Variants in EDN2 observed in about 807,000 individuals in gnomAD.
EDN2 encodes endothelin 2, also known as endothelin-2.
In EDN2, 10 loss-of-function variants were observed where a neutral mutation model predicts 19.9. That is an observed-to-expected ratio of 0.50 (90% CI 0.31 to 0.85). The LOEUF (loss-of-function observed/expected upper bound fraction) is 0.85. EDN2 is among the 40% of genes least tolerant of loss of function. EDN2 has a pLI of 0.05. For synonymous variants in EDN2, 84 were observed against 94.9 expected (o/e 0.89, Z 0.67); for missense variants, 222 against 239.3 (o/e 0.93, Z 0.48).
intron 2 of EDN2, among the ~76,000 whole-genome samples, chr1:41,483,498 A>G (rs1055747793): frequency 2.0e-5 from 3 of 152,164 alleles, no homozygotes; most frequent in Admixed American, 6.5e-5. Flanking sequence ...CGGGGCTCCC[A>G]CCCGGGTGTA....
intron 4 of EDN2, 160 bp downstream of exon 4, chr1:41,480,935 G>A (rs143576788): frequency 3.2e-5 from 21 of 658,062 alleles, no homozygotes; most frequent in East Asian, 5.5e-5. Context: ...GCCAGATGCC[G>A]CTGACTGCTG....
At chr1:41,482,940 T>A (rs1644260606) in intron 2 of EDN2, 1 of 165,464 alleles carries the variant, frequency 6.0e-6, no homozygotes, top group Non-Finnish European at 1.3e-5. Context: ...CCTCCTAGTC[T>A]CTCTCCCCTC....
intron 2 of EDN2, chr1:41,483,788 C>T: frequency 2.4e-6 from 1 of 414,664 alleles, no homozygotes; most frequent in Non-Finnish European, 4.4e-6. Context: ...CTCTCTGAGC[C>T]TCAGCACTTG....
intron 2 of EDN2, 49 bp from the exon 3 acceptor site, chr1:41,482,637 G>A: frequency 6.6e-7 from 1 of 1,509,390 alleles, no homozygotes; most frequent in African/African-American, 1.5e-5. Flanking sequence ...GAGAGAAAGA[G>A]AGAGAGAGAA....
At chr1:41,481,263 A>G in intron 3 of EDN2, 70 bp from the exon 4 acceptor site, 2 of 1,344,170 alleles carry the variant, frequency 1.5e-6, no homozygotes, top group East Asian at 2.4e-5. Flanking sequence ...CTGCAGGCCC[A>G]GCCCAGCCCC....
intron 1 of EDN2, 72 bp from the exon 2 acceptor site, chr1:41,484,275 C>A: frequency 1.3e-6 from 2 of 1,537,270 alleles, no homozygotes; most frequent in South Asian, 1.2e-5. Flanking sequence ...AGTGGGGGAC[C>A]CACCATGCCC....
In EDN2 at chr1:41,480,910, CAG is replaced by C. The variant is rs1468405206; in HGVS notation, c.443+183_443+184del. 28 of 655,584 alleles carry C rather than the reference CAG, an allele frequency of 4.3e-5. No homozygotes were observed. The African/African-American group carries it at 5.0e-4, about 12-fold the overall frequency. The allele number at this position is 655,584 out of a possible 1,614,324, so 40.6% of individuals were successfully genotyped here. On this transcript the variant is annotated intron_variant, in intron 4 of 4. Coordinates refer to ENST00000372587, the MANE Select transcript of EDN2 (RefSeq NM_001956.5). ...ACAAAGAGCACAGTGGGTAAGAGCA[CAG>C]ACTCTGGGGTCAGCCAGATGCCGCT...
At chr1:41,482,672 A>C in intron 2 of EDN2, 84 bp from the exon 3 acceptor site, 2 of 1,442,504 alleles carry the variant, frequency 1.4e-6, no homozygotes, top group Non-Finnish European at 1.8e-6. Context: ...AGAGGATTAA[A>C]TAAACCACAA....
chr1:41,484,445 C>A, intron 1 of EDN2, 93 bp downstream of exon 1: 1 of 1,489,210 alleles, frequency 6.7e-7, no homozygotes. Context: ...CTGTCTGCCC[C>A]CAGCTGGCTT....
intron 3 of EDN2, among the ~76,000 whole-genome samples, chr1:41,481,542 A>ATTTTT (rs369964181): frequency 6.9e-6 from 1 of 144,482 alleles, no homozygotes; most frequent in Non-Finnish European, 1.5e-5. Flanking sequence ...GGAGCTTGGG[A>ATTTTT]TTTTTTTTTT....
chr1:41,481,383 C>A (rs1358914175), intron 3 of EDN2, among the ~76,000 whole-genome samples, 190 bp from the exon 4 acceptor site: 2 of 152,152 alleles, frequency 1.3e-5, no homozygotes, highest in African/African-American at 2.4e-5. Context: ...AACTGAGCTA[C>A]CAGGAATGTG....
At chr1:41,481,827 C>T (rs576304023) in intron 3 of EDN2, among the ~76,000 whole-genome samples, 179 of 152,316 alleles carry the variant, frequency 1.2e-3, no homozygotes, top group African/African-American at 4.1e-3. Context: ...AGGTGTGAGC[C>T]ACCGTGCGCG....
chr1:41,484,125 C>T lies in EDN2; in HGVS notation c.143G>A (p.Arg48His), dbSNP rs139814182. The part of the protein sequence containing the change: ...HAQGTHLRLR[R>H]CSCSSWLDKE... Reference sequence around the variant, plus strand: ...GTCGAGCCAGGAGCTGCAGGAGCAACGGCGAAGCCGAAGGTGGGTGCCTTG... The same window carrying T: ...GTCGAGCCAGGAGCTGCAGGAGCAATGGCGAAGCCGAAGGTGGGTGCCTTG... The change falls in exon 2 of 5, where the codon CGT (arginine) becomes CAT (histidine). Residue 48 changes from arginine (R) to histidine (H), a missense_variant. Transcript: ENST00000372587. The T allele has an allele frequency of 8.1e-6, 13 of 1,613,694 alleles. No homozygotes were observed. The highest frequency in any genetic ancestry group is 7.7e-5 in the South Asian group (7 of 91,048).
At position 41,484,581 on chromosome 1, in the gene EDN2, G is replaced by T; in HGVS notation, c.21C>A (p.Thr7=). The T allele has an allele frequency of 6.4e-7, 1 of 1,560,232 alleles. No homozygotes were observed. Among genetic ancestry groups the T allele is most frequent in the South Asian group, 1.2e-5 (1 of 84,454 alleles). MVSVPT[T]WCSVALALLV... Reference sequence around the variant, plus strand: ...GCAGGGCTAGCGCAACGGAGCACCAGGTGGTAGGCACGGAGACCATAGCGG... The same window carrying T: ...GCAGGGCTAGCGCAACGGAGCACCATGTGGTAGGCACGGAGACCATAGCGG... Residue 7 remains threonine (T), a synonymous_variant, in exon 1 of 5, where the codon ACC becomes ACA. Coordinates refer to ENST00000372587, the MANE Select transcript of EDN2 (RefSeq NM_001956.5).
At chr1:41,481,020 C>T in intron 4 of EDN2, 75 bp downstream of exon 4, 4 of 1,289,164 alleles carry the variant, frequency 3.1e-6, no homozygotes, top group Non-Finnish European at 1.1e-6. Context: ...CCAGGCCTGC[C>T]TCACATAGAA....
chr1:41,484,141 G>T lies in EDN2; in HGVS notation c.127C>A (p.His43Asn), dbSNP rs1256416467. 2 of 1,613,506 alleles carry T rather than the reference G, an allele frequency of 1.2e-6. No homozygotes were observed. The highest frequency in any genetic ancestry group is 2.7e-5 in the African/African-American group (2 of 74,938). Residue 43 changes from histidine (H) to asparagine (N), a missense_variant, in exon 2 of 5, where the codon CAC (histidine) becomes AAC (asparagine). Physicochemically the swap from His to Asn is moderately conservative, Grantham distance 68. Transcript: ENST00000372587. ...PASSSHAQGT[H>N]LRLRRCSCSS... ...CAGGAGCAACGGCGAAGCCGAAGGT[G>T]GGTGCCTTGGGCATGAGATGAGGAC...
At chr1:41,484,425 G>T in intron 1 of EDN2, 113 bp downstream of exon 1, 2 of 1,425,022 alleles carry the variant, frequency 1.4e-6, no homozygotes, top group Non-Finnish European at 1.9e-6. Flanking sequence ...CTGCCGCCAG[G>T]CTCCCGCCCC....
intron 2 of EDN2, chr1:41,483,828 AC>A (rs547914205): frequency 3.5e-5 from 18 of 507,942 alleles, no homozygotes; most frequent in Non-Finnish European, 6.2e-5. Context: ...ACACTTGCTT[AC>A]CAGGCTGTCT....
chr1:41,480,251 C>A (rs1264822751), intron 4 of EDN2, among the ~76,000 whole-genome samples: 1 of 152,210 alleles, frequency 6.6e-6, no homozygotes, highest in Non-Finnish European at 1.5e-5. Context: ...ACCATCCTGC[C>A]TTTTCTCCTG....
Sources: gnomAD v4.1 joint callset for allele counts (sites outside exome capture counted in the v4.1 genomes callset) on GRCh38, gnomAD v4.1.1 for gene constraint, MANE v1.5 for transcripts, NCBI Gene and HGNC (gene_info 2026-07-23, HGNC 2026-07-21) for gene names.